The following LDB2 variants were observed in gnomAD, a reference collection of about 807,000 sequenced individuals.
LDB2 encodes LIM domain binding 2.
Under a neutral mutation model 44.3 loss-of-function variants are expected in LDB2, and 12 were observed. The ratio of observed to expected loss-of-function variants is 0.27; its 90% CI spans 0.17 to 0.44. LDB2 has a LOEUF of 0.44. LDB2 is among the 20% of genes least tolerant of loss of function. The probability of loss-of-function intolerance (pLI) is 1.00; values close to 1 mark genes in which losing one functional copy is unlikely to be tolerated. For synonymous variants in LDB2, 164 were observed against 174.8 expected (o/e 0.94, Z 0.49); for missense variants, 344 against 473.5 (o/e 0.73, Z 2.54).
chr4:16,548,985 G>A lies in LDB2; in HGVS notation c.616-36881C>T, dbSNP rs566295884. Among the ~76,000 whole-genome samples, 7 of 152,242 alleles carry A rather than the reference G, an allele frequency of 4.6e-5. No individual in the cohort carries two copies. In the South Asian group the frequency reaches 1.2e-3, roughly 27 times the overall value. ...GCAAATGAAAATATAGAAGCATGGC[G>A]TCTTATATGATTAGGAGGTATTGGA... On this transcript the variant is annotated intron_variant, in intron 5 of 7. Coordinates refer to ENST00000304523, the MANE Select transcript of LDB2 (RefSeq NM_001290.5).
intron 1 of LDB2, among the ~76,000 whole-genome samples, chr4:16,837,346 G>A (rs1285345813): frequency 6.6e-6 from 1 of 152,098 alleles, no homozygotes; most frequent in African/African-American, 2.4e-5. Context: ...ACACATATTA[G>A]AGACTAAATA....
At chr4:16,673,603 C>T (rs560426624) in intron 2 of LDB2, among the ~76,000 whole-genome samples, 108 of 152,248 alleles carry the variant, frequency 7.1e-4, no homozygotes, top group African/African-American at 2.5e-3. Context: ...TAGGAGAGCA[C>T]CCTTCTCCAT....
At chr4:16,829,603 C>T (rs1783699640) in intron 1 of LDB2, among the ~76,000 whole-genome samples, 1 of 152,104 alleles carries the variant, frequency 6.6e-6, no homozygotes, top group Non-Finnish European at 1.5e-5. Context: ...ATCTCCCTGA[C>T]CTCAGATTTC....
In LDB2 at chr4:16,582,040, AG is replaced by A. The variant is rs2152419697; in HGVS notation, c.615+3881del. On this transcript the variant is annotated intron_variant, in intron 5 of 7. Transcript: ENST00000304523. This position sits in a 1 kb window ranked among gnomAD's most constrained non-coding sequence, Gnocchi z 4.8. ...AAGGAAGGAAGGAAGGAAGGAAGGA[AG>A]GAAGGAAGGAAAAGAAAGTAAGTCC... Among the ~76,000 whole-genome samples, 1 of 150,422 alleles carries A rather than the reference AG, an allele frequency of 6.6e-6. No homozygotes were observed. Among genetic ancestry groups the A allele is most frequent in the South Asian group, 2.1e-4 (1 of 4,752 alleles).
At chr4:16,744,267 G>A (rs1032044443) in intron 2 of LDB2, among the ~76,000 whole-genome samples, 3 of 146,038 alleles carry the variant, frequency 2.1e-5, no homozygotes, top group Admixed American at 6.8e-5. Context: ...AGTGATTCTC[G>A]TGCCTCAGCC....
intron 1 of LDB2, among the ~76,000 whole-genome samples, chr4:16,889,977 T>C (rs1446389353): frequency 2.6e-5 from 4 of 152,212 alleles, no homozygotes; most frequent in Non-Finnish European, 2.9e-5. Flanking sequence ...CTTTTTCTAA[T>C]TGATTACCTG....
At chr4:16,875,784 A>G (rs549526647) in intron 1 of LDB2, among the ~76,000 whole-genome samples, 18 of 152,322 alleles carry the variant, frequency 1.2e-4, no homozygotes, top group Admixed American at 3.3e-4. Flanking sequence ...AAGGCATGGT[A>G]TAACTGCTGG....
chr4:16,871,965 GCTATGA>G (rs1490253972), intron 1 of LDB2, among the ~76,000 whole-genome samples: 2 of 152,032 alleles, frequency 1.3e-5, no homozygotes, highest in Non-Finnish European at 2.9e-5. Flanking sequence ...TTACATTTGG[GCTATGA>G]CTATAAGAGT....
chr4:16,758,822 T>G (rs1428674530), intron 2 of LDB2, among the ~76,000 whole-genome samples: 1 of 152,158 alleles, frequency 6.6e-6, no homozygotes, highest in African/African-American at 2.4e-5. Flanking sequence ...ACATTGGATG[T>G]CAAGTGTGAA....
intron 2 of LDB2, among the ~76,000 whole-genome samples, chr4:16,672,828 C>CTGCCTTCT (rs546908215): frequency 9.8e-4 from 144 of 147,110 alleles, no homozygotes; most frequent in African/African-American, 3.0e-3. Flanking sequence ...GCCTGCCTGC[C>CTGCCTTCT]TTCTTTCCTT....
At chr4:16,779,169 G>T (rs1447550240) in intron 1 of LDB2, among the ~76,000 whole-genome samples, 1 of 152,148 alleles carries the variant, frequency 6.6e-6, no homozygotes, top group Non-Finnish European at 1.5e-5. Context: ...GGCTTTGGGA[G>T]CCTGGGATTT....
At chr4:16,668,868 C>A (rs375496505) in intron 2 of LDB2, among the ~76,000 whole-genome samples, 1 of 152,308 alleles carries the variant, frequency 6.6e-6, no homozygotes, top group South Asian at 2.1e-4. Context: ...GTGACTCCCC[C>A]AGTGCTTAGG....
rs139264304 is a variant in LDB2, at chr4:16,549,378, T to C, written c.615+36544A>G. Among the ~76,000 whole-genome samples the C allele has an allele frequency of 3.4e-4, 52 of 152,320 alleles. No individual in the cohort carries two copies. In the East Asian group the frequency reaches 8.1e-3, roughly 24 times the overall value. ...CTCTGGTTAGCAATTTTCTGAGGAATGAGTAGGAAAATAGGAAGAGACTCA... is the reference window on the plus strand; with the variant it reads ...CTCTGGTTAGCAATTTTCTGAGGAACGAGTAGGAAAATAGGAAGAGACTCA... On this transcript the variant is annotated intron_variant, in intron 5 of 7. Coordinates refer to ENST00000304523, the MANE Select transcript of LDB2 (RefSeq NM_001290.5).
At chr4:16,889,377 G>A (rs1187557823) in intron 1 of LDB2, 1 of 152,160 alleles carries the variant, frequency 6.6e-6, no homozygotes, top group African/African-American at 2.4e-5. Context: ...ACTAGGATAA[G>A]TATAAATATT....
At chr4:16,591,762 TA>T (rs578239061) in intron 3 of LDB2, among the ~76,000 whole-genome samples, 1 of 152,084 alleles carries the variant, frequency 6.6e-6, no homozygotes, top group African/African-American at 2.4e-5. Context: ...TCAGAAATGG[TA>T]AAAAAACAGG....
intron 2 of LDB2, among the ~76,000 whole-genome samples, chr4:16,729,931 G>C (rs1760383943): frequency 6.6e-6 from 1 of 152,130 alleles, no homozygotes; most frequent in African/African-American, 2.4e-5. Flanking sequence ...TCGTTGTCGT[G>C]TAACTGTTTA....
intron 5 of LDB2, among the ~76,000 whole-genome samples, chr4:16,536,468 AG>A (rs1484510090): frequency 6.6e-6 from 1 of 152,206 alleles, no homozygotes; most frequent in African/African-American, 2.4e-5. Context: ...GCTACTGTCC[AG>A]AGAAGTTGGT....
chr4:16,627,984 C>T (rs1370419973), intron 2 of LDB2, among the ~76,000 whole-genome samples: 1 of 152,108 alleles, frequency 6.6e-6, no homozygotes, highest in East Asian at 1.9e-4. Context: ...AAATTCTGCC[C>T]CTTTTCACCA....
At chr4:16,612,860 G>A (rs1053216756) in intron 2 of LDB2, among the ~76,000 whole-genome samples, 2 of 152,156 alleles carry the variant, frequency 1.3e-5, no homozygotes, top group Admixed American at 1.3e-4. Context: ...TATGAAGCTG[G>A]CATCATCCTG....
Sources: gnomAD v4.1 joint callset for allele counts (sites outside exome capture counted in the v4.1 genomes callset) on GRCh38, gnomAD v4.1.1 for gene constraint, Gnocchi (gnomAD v3.1) non-coding constraint, MANE v1.5 for transcripts, NCBI Gene and HGNC (gene_info 2026-07-23, HGNC 2026-07-21) for gene names.